Variants in CIITA observed in about 807,000 individuals in gnomAD.
CIITA encodes the protein MHC class II transactivator.
A neutral mutation model predicts 115.1 loss-of-function variants in CIITA; 72 were observed. The ratio of observed to expected loss-of-function variants is 0.63; its 90% CI spans 0.52 to 0.76. The LOEUF is 0.76. Among genes scored for constraint, CIITA ranks in the 30% least tolerant of loss-of-function variants. The pLI is 0.00. For synonymous variants in CIITA, 763 were observed against 635.6 expected, an observed-to-expected ratio of 1.20 and a Z score of -3.02; for missense variants, 1,617 against 1,463.8, an observed-to-expected ratio of 1.10 and a Z score of -1.71.
intron 13 of CIITA, among the ~76,000 whole-genome samples, chr16:10,911,341 C>A (rs1413774141): frequency 7.4e-6 from 1 of 135,254 alleles, no homozygotes; most frequent in Non-Finnish European, 1.6e-5. Context: ...CCTTCTTCCC[C>A]CTTTTCTTCT....
At chr16:10,869,864 C>T (rs1004848653) in intron 1 of CIITA, among the ~76,000 whole-genome samples, 1 of 152,098 alleles carries the variant, frequency 6.6e-6, no homozygotes, top group African/African-American at 2.4e-5. Flanking sequence ...TATTGTTTGA[C>T]CCTCCCACTG....
intron 1 of CIITA, among the ~76,000 whole-genome samples, chr16:10,885,984 T>C (rs1303917893): frequency 6.6e-6 from 1 of 152,072 alleles, no homozygotes. Flanking sequence ...CTATTTCCCA[T>C]ACTGGGTGCC....
chr16:10,908,956 C>A (rs2039367420), intron 11 of CIITA, 73 bp from the exon 12 acceptor site: 5 of 1,608,582 alleles, frequency 3.1e-6, no homozygotes, highest in Non-Finnish European at 4.3e-6. Flanking sequence ...GTAGGAGGAC[C>A]CTTCATGGAG....
chr16:10,901,498 CAT>C lies in CIITA; in HGVS notation c.437-15_437-14del, dbSNP rs1321906389. The C allele has an allele frequency of 1.9e-6, 3 of 1,614,054 alleles. No individual in the cohort carries two copies. The highest frequency in any genetic ancestry group is 1.7e-5 in the Admixed American group (1 of 60,010). On this transcript the variant is annotated splice_polypyrimidine_tract_variant and intron_variant, in intron 5 of 19. Transcript: ENST00000324288. The surrounding 1 kb of genome is among the most constrained non-coding windows in gnomAD (Gnocchi z 6.8). ...ATCCTCTCCCTGGGGCAGCTGATCA[CAT>C]GTTTTCTCTGCAGCCTTCCCAGAGG...
Position 10,880,112 on chromosome 16 carries a change from T to C in CIITA, c.52+2730T>C, listed in dbSNP as rs532054014. Reference sequence around the variant, plus strand: ...AAAGGAACTTGACTCCAACAAATGATCACCTTGCAAACCCCCGGCTCCCTT... The same window carrying C: ...AAAGGAACTTGACTCCAACAAATGACCACCTTGCAAACCCCCGGCTCCCTT... On this transcript the variant is annotated intron_variant, in intron 1 of 19. Coordinates refer to ENST00000324288, the MANE Select transcript of CIITA (RefSeq NM_000246.4). Among the ~76,000 whole-genome samples the C allele has an allele frequency of 2.8e-4, 43 of 152,296 alleles. 2 individuals are homozygous for C. Among genetic ancestry groups the C allele is most frequent in the African/African-American group, 9.9e-4 (41 of 41,576 alleles).
At chr16:10,899,738 T>G (rs191607140) in intron 5 of CIITA, among the ~76,000 whole-genome samples, 1 of 152,290 alleles carries the variant, frequency 6.6e-6, no homozygotes, top group East Asian at 1.9e-4. Context: ...ATTCAGTTCT[T>G]AAACAGGTGA....
rs774399663 is a variant in CIITA at position 10,922,254 on chromosome 16, AGT to A, written c.3233+8_3233+9del. On this transcript the variant is annotated splice_donor_5th_base_variant and intron_variant, in intron 17 of 19. Coordinates refer to ENST00000324288, the MANE Select transcript of CIITA (RefSeq NM_000246.4). ...TGGTGTCCCTCCGGGTGATGGAGTG[AGT>A]GTGGGAGTCTGGGCGGTGGGTGGCT... The A allele has an allele frequency of 1.5e-4, 246 of 1,613,906 alleles. 3 individuals are homozygous for A. The Admixed American group carries it at 4.1e-3, about 27-fold the overall frequency.
intron 10 of CIITA, among the ~76,000 whole-genome samples, chr16:10,905,848 G>A (rs1216399456): frequency 6.6e-6 from 1 of 152,020 alleles, no homozygotes; most frequent in Non-Finnish European, 1.5e-5. Flanking sequence ...GGAAATGAGT[G>A]AACTAATGAA....
intron 13 of CIITA, among the ~76,000 whole-genome samples, chr16:10,911,618 A>G (rs2039590261): frequency 1.3e-5 from 2 of 151,740 alleles, no homozygotes; most frequent in Admixed American, 6.6e-5. Context: ...TCAGTGGCAC[A>G]ATCACAGCTC....
At chr16:10,914,953 T>C (rs2039847919) in intron 13 of CIITA, 1 of 410,928 alleles carries the variant, frequency 2.4e-6, no homozygotes, top group Non-Finnish European at 4.9e-6. Context: ...GAAGGGTATC[T>C]GTGGATGTTG....
In CIITA at chr16:10,916,477, G is replaced by A. The variant is rs774001684; in HGVS notation, c.3062+18G>A. 2.9e-5 allele frequency: 47 copies of A among 1,602,320 alleles called. No homozygotes were observed. Among genetic ancestry groups the A allele is most frequent in the Non-Finnish European group, 4.0e-5 (47 of 1,172,898 alleles). On this transcript the variant is annotated intron_variant, in intron 15 of 19. Transcript: ENST00000324288. ...ACCCTCAAGTGAGTGAGCTGGGCCT[G>A]CCCTTCCTGCTGAATCGGGCCCCCA... is the stretch of plus-strand genomic sequence containing the variant.
At chr16:10,909,303 A>C in intron 12 of CIITA, 116 bp downstream of exon 12, 1 of 1,089,266 alleles carries the variant, frequency 9.2e-7, no homozygotes, top group South Asian at 1.3e-5. Flanking sequence ...GGGACACCCC[A>C]TGCCCTCTTT....
At position 10,895,307 on chromosome 16, in the gene CIITA, G is replaced by C. The variant is rs775957955; in HGVS notation, c.78G>C (p.Glu26Asp). 8.1e-5 allele frequency: 130 copies of C among 1,613,908 alleles called. No homozygotes were observed. Among genetic ancestry groups the C allele is most frequent in the Admixed American group, 4.2e-4 (25 of 59,998 alleles). Reference protein sequence around the residue: ...PQGSSQCATMELGPLEGGYLE... With the variant: ...PQGSSQCATMDLGPLEGGYLE... ...GCAGCTCACAGTGTGCCACCATGGAGTTGGGGCCCCTAGAAGGTGGCTACC... is the reference window on the plus strand; with the variant it reads ...GCAGCTCACAGTGTGCCACCATGGACTTGGGGCCCCTAGAAGGTGGCTACC... The change falls in exon 2 of 20, where the codon GAG becomes GAC. Residue 26 changes from glutamate to aspartate, a missense_variant. Coordinates refer to ENST00000324288, the MANE Select transcript of CIITA (RefSeq NM_000246.4).
downstream of CIITA, chr16:10,936,843 G>A (rs575311883): frequency 6.6e-6 from 1 of 152,244 alleles, no homozygotes; most frequent in East Asian, 1.9e-4. Context: ...CAGGGATAAA[G>A]AGGTCTGCCA....
chr16:10,885,731 C>T (rs955095699), intron 1 of CIITA, among the ~76,000 whole-genome samples: 1 of 152,200 alleles, frequency 6.6e-6, no homozygotes, highest in African/African-American at 2.4e-5. Context: ...CATCACCAGA[C>T]AGCCTGTGGG....
chr16:10,924,528 G>A lies in CIITA; in HGVS notation c.*673G>A, dbSNP rs779237900. 2.1e-4 allele frequency: 32 copies of A among 152,342 alleles called. No individual in the cohort carries two copies. The highest frequency in any genetic ancestry group is 3.5e-4 in the Non-Finnish European group (24 of 68,196). The allele number at this position is 152,342 out of a possible 1,614,324, so 9.4% of individuals were successfully genotyped here. A position where few individuals can be genotyped will look rare whatever the true frequency, so the allele number is the denominator to read the frequency against. ...GATTACAAGCGTGAGCCACTGCACC[G>A]GGCCACAGAGAAAGTACTTCTCCAC... On this transcript the variant is annotated 3_prime_UTR_variant, in exon 20 of 20. Coordinates refer to ENST00000324288, the MANE Select transcript of CIITA (RefSeq NM_000246.4).
intron 1 of CIITA, among the ~76,000 whole-genome samples, chr16:10,894,445 T>A (rs1290601137): frequency 6.6e-6 from 1 of 152,210 alleles, no homozygotes; most frequent in African/African-American, 2.4e-5. Context: ...TTTGTGTGGA[T>A]ATATCTGGTT....
Position 10,904,753 on chromosome 16 carries a change from C to T in CIITA, c.947C>T (p.Thr316Met), listed in dbSNP as rs757632931. ...GCTTCTCCATCTCCAGAGCACAAGA[C>T]GTCCCCCACCCAATGCCCGGCAGCT... Reference protein sequence around the residue: ...TSRANMTEHKTSPTQCPAAGE... With the variant: ...TSRANMTEHKMSPTQCPAAGE... The change falls in exon 10 of 20, where the codon ACG (threonine) becomes ATG (methionine). Residue 316 changes from threonine (T) to methionine (M), a missense_variant. By Grantham distance (81) the Thr-to-Met change is moderately conservative (BLOSUM62 -1). Transcript: ENST00000324288. 8.1e-6 allele frequency: 13 copies of T among 1,613,992 alleles called. No individual in the cohort carries two copies. The Admixed American group carries it at 1.0e-4, about 12-fold the overall frequency.
intron 9 of CIITA, 55 bp from the exon 10 acceptor site, chr16:10,904,689 G>T: frequency 6.2e-7 from 1 of 1,604,450 alleles, no homozygotes; most frequent in African/African-American, 1.3e-5. Context: ...AGAGGGAGGG[G>T]GGTCCCCAGG....
Sources: allele counts gnomAD v4.1 joint callset (sites outside exome capture counted in the v4.1 genomes callset), GRCh38; gene constraint gnomAD v4.1.1; non-coding constraint Gnocchi (gnomAD v3.1); transcripts MANE v1.5; gene names NCBI Gene and HGNC (gene_info 2026-07-23, HGNC 2026-07-21).